The following TSPEAR variants were observed in gnomAD, a reference collection of about 807,000 sequenced individuals.
TSPEAR encodes thrombospondin-type laminin G domain and EAR repeat-containing protein.
In TSPEAR, 69 loss-of-function variants were observed where a neutral mutation model predicts 71.6. The observed-to-expected ratio is 0.96, with a 90% CI of 0.79 to 1.18. The LOEUF is 1.18. Ranked by LOEUF, TSPEAR falls within the 50% of genes most tolerant of loss-of-function variation. TSPEAR has a pLI of 0.00. For synonymous variants in TSPEAR, 402 were observed against 387.2 expected (o/e 1.04, Z -0.45); for missense variants, 971 against 894.9 (o/e 1.09, Z -1.09).
chr21:44,641,618 A>G (rs1555938578), intron 1 of TSPEAR, among the ~76,000 whole-genome samples: 1 of 152,246 alleles, frequency 6.6e-6, no homozygotes, highest in East Asian at 1.9e-4. Context: ...TTTTTGAACT[A>G]AAGGAAGATG....
At chr21:44,505,327 C>T (rs1409478029) in intron 10 of TSPEAR, among the ~76,000 whole-genome samples, 1 of 152,124 alleles carries the variant, frequency 6.6e-6, no homozygotes, top group Non-Finnish European at 1.5e-5. Context: ...GATCTGCCCA[C>T]CTCAGCCTCC....
intron 1 of TSPEAR, among the ~76,000 whole-genome samples, chr21:44,604,730 C>T (rs1981201238): frequency 6.6e-6 from 1 of 152,214 alleles, no homozygotes; most frequent in African/African-American, 2.4e-5. Context: ...GGGCTTGTTG[C>T]ATATGGCCTT....
At chr21:44,626,220 A>C (rs1555934288) in intron 1 of TSPEAR, among the ~76,000 whole-genome samples, 1 of 152,248 alleles carries the variant, frequency 6.6e-6, no homozygotes, top group Admixed American at 6.5e-5. Context: ...GCTGGGTAGC[A>C]ATGTTCCTGG....
intron 1 of TSPEAR, among the ~76,000 whole-genome samples, chr21:44,594,822 A>ATT (rs34221889): frequency 0.072 from 9,076 of 125,436 alleles, 585 homozygotes; most frequent in Middle Eastern, 0.14. Context: ...CGGATCTGTG[A>ATT]TTTTTTTTTT....
intron 1 of TSPEAR, among the ~76,000 whole-genome samples, chr21:44,709,254 T>C (rs1256267033): frequency 1.3e-5 from 2 of 152,178 alleles, no homozygotes; most frequent in African/African-American, 2.4e-5. Context: ...CGCAGCCCAC[T>C]CTCCTGGGTC....
intron 1 of TSPEAR, among the ~76,000 whole-genome samples, chr21:44,599,087 T>A (rs587745201): frequency 6.7e-6 from 1 of 149,470 alleles, no homozygotes; most frequent in African/African-American, 2.4e-5. Context: ...CAGGAGTATA[T>A]GTCTGACATA....
rs1555914867 is a variant in TSPEAR at position 44,525,772 on chromosome 21, C to T, written c.1217G>A (p.Trp406Ter). 2.5e-6 allele frequency: 4 copies of T among 1,614,190 alleles called. No homozygotes were observed. The highest frequency in any genetic ancestry group is 1.3e-5 in the African/African-American group (1 of 75,032). Reference protein sequence around the residue: ...KGQEFSVIYKWSHRKLKFTPY... With the variant: ...KGQEFSVIYK ...GGTAAACTTCAGCTTTCTGTGGCTC[C>T]ATTTGTAAATGACAGAGAACTCCTG... Residue 406 changes from tryptophan to a stop codon, truncating the protein, a stop_gained, in exon 8 of 12, where the codon TGG (tryptophan) becomes TAG (stop). Transcript: ENST00000323084. LOFTEE classifies it high-confidence loss of function.
At chr21:44,549,487 G>T (rs2053362639) in intron 2 of TSPEAR, among the ~76,000 whole-genome samples, 1 of 152,168 alleles carries the variant, frequency 6.6e-6, no homozygotes, top group African/African-American at 2.4e-5. Flanking sequence ...AAAACCATGA[G>T]AAAATAGTTT....
intron 1 of TSPEAR, among the ~76,000 whole-genome samples, chr21:44,664,271 GATTTT>G (rs782208268): frequency 5.3e-5 from 8 of 152,098 alleles, no homozygotes; most frequent in East Asian, 1.9e-4. Context: ...TACAAAAATC[GATTTT>G]ATTTTAATAT....
chr21:44,613,950 G>A (rs1222701138), intron 1 of TSPEAR, among the ~76,000 whole-genome samples: 1 of 152,168 alleles, frequency 6.6e-6, no homozygotes, highest in Non-Finnish European at 1.5e-5. Context: ...CCCGACCGGG[G>A]TCAGGGGTCC....
chr21:44,684,329 G>T (rs1463849216), intron 1 of TSPEAR, among the ~76,000 whole-genome samples: 2 of 152,180 alleles, frequency 1.3e-5, no homozygotes, highest in Admixed American at 1.3e-4. Context: ...GAGCCCAAGA[G>T]TTGTAGACCA....
At chr21:44,708,007 G>GCACACACACACA (rs58196199) in intron 1 of TSPEAR, among the ~76,000 whole-genome samples, 3 of 122,410 alleles carry the variant, frequency 2.5e-5, no homozygotes, top group East Asian at 2.4e-4. Context: ...CCCCGCGCGT[G>GCACACACACACA]CACACACACA....
intron 1 of TSPEAR, among the ~76,000 whole-genome samples, chr21:44,573,079 C>T (rs797025865): frequency 5.3e-5 from 8 of 152,218 alleles, no homozygotes; most frequent in East Asian, 1.9e-4. Context: ...CCATGAGACA[C>T]GGAATTTCTG....
At chr21:44,540,465 C>T (rs782111887) in intron 2 of TSPEAR, among the ~76,000 whole-genome samples, 3 of 152,126 alleles carry the variant, frequency 2.0e-5, no homozygotes, top group Non-Finnish European at 4.4e-5. Context: ...GGTCCCAGCA[C>T]GCCACCAGTG....
intron 10 of TSPEAR, 118 bp downstream of exon 10, chr21:44,509,081 A>G (rs1601326543): frequency 7.3e-7 from 1 of 1,375,764 alleles, no homozygotes; most frequent in Non-Finnish European, 9.9e-7. Flanking sequence ...TTCCACAGGA[A>G]GGTCCCCAGG....
chr21:44,690,911 C>T (rs560406339), intron 1 of TSPEAR, among the ~76,000 whole-genome samples: 2 of 152,294 alleles, frequency 1.3e-5, no homozygotes, highest in Admixed American at 1.3e-4. Flanking sequence ...CCATGCCAGG[C>T]TCTTTTCAAA....
intron 1 of TSPEAR, among the ~76,000 whole-genome samples, chr21:44,590,038 C>T (rs1555926223): frequency 6.6e-6 from 1 of 152,156 alleles, no homozygotes; most frequent in Non-Finnish European, 1.5e-5. Context: ...GCCTCCGGCC[C>T]TGGGGACGGC....
intron 1 of TSPEAR, among the ~76,000 whole-genome samples, chr21:44,689,712 A>AATATACATATATATATATATAT (rs1987033543): frequency 3.2e-5 from 2 of 62,038 alleles, no homozygotes; most frequent in African/African-American, 1.6e-4. Context: ...GAATAGAATG[A>AATATACATATATATATATATAT]ATATATATAT....
intron 2 of TSPEAR, among the ~76,000 whole-genome samples, chr21:44,557,315 C>G (rs906479458): frequency 3.3e-5 from 5 of 152,110 alleles, no homozygotes; most frequent in South Asian, 2.1e-4. Flanking sequence ...CACAAGGAAA[C>G]GACACCATGA....
Sources: allele counts gnomAD v4.1 joint callset (sites outside exome capture counted in the v4.1 genomes callset), GRCh38; gene constraint gnomAD v4.1.1; transcripts MANE v1.5; gene names NCBI Gene and HGNC (gene_info 2026-07-23, HGNC 2026-07-21).